Variants in KY observed in about 807,000 individuals in gnomAD.
KY encodes kyphoscoliosis peptidase.
KY carries 43 observed loss-of-function variants against 76.1 expected under a neutral mutation model. The ratio of observed to expected loss-of-function variants is 0.57; its 90% CI spans 0.44 to 0.73. The LOEUF (loss-of-function observed/expected upper bound fraction) is 0.73. KY is among the 30% of genes least tolerant of loss of function. The pLI is 0.00. For missense variants in KY, 722 were observed against 828.9 expected, an observed-to-expected ratio of 0.87 and a Z score of 1.58; for synonymous variants, 277 against 326.2, an observed-to-expected ratio of 0.85 and a Z score of 1.63.
At chr3:134,612,497 A>G (rs1960663292) in intron 8 of KY, among the ~76,000 whole-genome samples, 1 of 152,080 alleles carries the variant, frequency 6.6e-6, no homozygotes, top group Admixed American at 6.5e-5. Context: ...AGGATGAGGA[A>G]GTCTGGATGT....
At chr3:134,611,610 G>A (rs1281346376) in intron 8 of KY, among the ~76,000 whole-genome samples, 1 of 152,262 alleles carries the variant, frequency 6.6e-6, no homozygotes, top group African/African-American at 2.4e-5. Flanking sequence ...CCGAGGATGT[G>A]CTTGATGCCC....
At position 134,628,552 on chromosome 3, in the gene KY, A is replaced by C. The variant is rs565016148; in HGVS notation, c.338-734T>G. Among the ~76,000 whole-genome samples the C allele has an allele frequency of 1.5e-4, 23 of 152,328 alleles. 2 individuals carry two copies. The South Asian group carries it at 4.6e-3, about 30-fold the overall frequency. ...CAACCACACATGGGTTATTCTGAGAAACAGTGCTCCATTTATTTCTCACAC... is the reference window on the plus strand; with the variant it reads ...CAACCACACATGGGTTATTCTGAGACACAGTGCTCCATTTATTTCTCACAC... On this transcript the variant is annotated intron_variant, in intron 4 of 10. Coordinates refer to ENST00000423778, the MANE Select transcript of KY (RefSeq NM_178554.6).
chr3:134,644,199 T>G (rs1966152716), intron 2 of KY, among the ~76,000 whole-genome samples: 1 of 152,106 alleles, frequency 6.6e-6, no homozygotes, highest in Admixed American at 6.5e-5. Flanking sequence ...CGGGATGATG[T>G]GTAGTTTGGT....
chr3:134,632,883 C>T (rs1212025165), intron 3 of KY, among the ~76,000 whole-genome samples: 1 of 151,826 alleles, frequency 6.6e-6, no homozygotes, highest in Non-Finnish European at 1.5e-5. Context: ...AGAGGCAAGA[C>T]ACAAATCAGG....
At chr3:134,622,467 A>G (rs1365891715) in intron 6 of KY, among the ~76,000 whole-genome samples, 5 of 152,232 alleles carry the variant, frequency 3.3e-5, no homozygotes, top group African/African-American at 1.2e-4. Context: ...CAGACACAAA[A>G]GGACAAATAC....
chr3:134,610,085 G>C, intron 9 of KY, 110 bp downstream of exon 9: 1 of 1,211,926 alleles, frequency 8.3e-7, no homozygotes. Flanking sequence ...GGGGCCTCCT[G>C]GCTCTCCTTC....
chr3:134,628,286 C>T (rs1412540647), intron 4 of KY, among the ~76,000 whole-genome samples: 1 of 152,148 alleles, frequency 6.6e-6, no homozygotes, highest in African/African-American at 2.4e-5. Flanking sequence ...TTAAATTATT[C>T]CTTGGGAGGA....
At chr3:134,619,690 C>G (rs149301286) in intron 7 of KY, among the ~76,000 whole-genome samples, 4 of 152,254 alleles carry the variant, frequency 2.6e-5, no homozygotes, top group Non-Finnish European at 5.9e-5. Context: ...CTCCCACAGC[C>G]TGTCACTTCA....
intron 7 of KY, 74 bp downstream of exon 7, chr3:134,620,675 G>A (rs1962452235): frequency 9.6e-7 from 1 of 1,037,670 alleles, no homozygotes; most frequent in South Asian, 1.4e-5. Flanking sequence ...ACGTGAATAA[G>A]CTGATAGGAG....
chr3:134,650,724 C>T, intron 1 of KY, 101 bp downstream of exon 1: 1 of 1,159,158 alleles, frequency 8.6e-7, no homozygotes. Context: ...GTTCGCTGAC[C>T]TCGTTCGGGG....
rs1958905074 is a variant in KY, at chr3:134,600,251, A to T, written c.*3328T>A. Among the ~76,000 whole-genome samples the T allele has an allele frequency of 6.6e-6, 1 of 152,228 alleles. No homozygotes were observed. Among genetic ancestry groups the T allele is most frequent in the Non-Finnish European group, 1.5e-5 (1 of 68,040 alleles). ...GGAGAAAACCCACTCCTTCTAGTGA[A>T]CATGGCATCTAAAACCTCAGACCAC... On this transcript the variant is annotated 3_prime_UTR_variant, in exon 11 of 11. Coordinates refer to ENST00000423778, the MANE Select transcript of KY (RefSeq NM_178554.6).
At chr3:134,605,122 A>T (rs1490046541) in intron 10 of KY, among the ~76,000 whole-genome samples, 2 of 150,448 alleles carry the variant, frequency 1.3e-5, no homozygotes, top group African/African-American at 4.9e-5. Flanking sequence ...CCACACTGCC[A>T]CCCCCCATCT....
chr3:134,641,567 C>T (rs959448354), intron 3 of KY, among the ~76,000 whole-genome samples: 1 of 152,132 alleles, frequency 6.6e-6, no homozygotes, highest in Non-Finnish European at 1.5e-5. Flanking sequence ...AAAACGCTGG[C>T]CCGGCTGACA....
chr3:134,607,031 AT>A lies in KY; in HGVS notation c.1090+1617del, dbSNP rs1017809200. 8 of 984,914 alleles carry A rather than the reference AT, an allele frequency of 8.1e-6. No homozygotes were observed. In the African/African-American group the frequency reaches 1.4e-4, roughly 17 times the overall value. The allele number at this position is 984,914 out of a possible 1,614,324, so 61.0% of individuals were successfully genotyped here. The stretch of plus-strand genomic sequence containing the variant: ...TATATGGAATCATATTTAGGTTTAG[AT>A]TTCTATAAATTAAGGAATCTGGTGT... On this transcript the variant is annotated intron_variant, in intron 10 of 10. Transcript: ENST00000423778.
intron 6 of KY, among the ~76,000 whole-genome samples, chr3:134,623,429 A>G (rs1412146183): frequency 1.3e-5 from 2 of 151,968 alleles, no homozygotes; most frequent in African/African-American, 2.4e-5. Flanking sequence ...CTCCTGCTTC[A>G]GCCTTCTCTA....
At chr3:134,620,290 T>C (rs752416584) in intron 7 of KY, among the ~76,000 whole-genome samples, 2 of 152,230 alleles carry the variant, frequency 1.3e-5, no homozygotes, top group African/African-American at 2.4e-5. Flanking sequence ...GTTGCTAGTG[T>C]GGGAGCAGGA....
Position 134,610,274 on chromosome 3 carries a change from G to C in KY, c.820C>G (p.Leu274Val). 1 of 1,613,956 alleles carries C rather than the reference G, an allele frequency of 6.2e-7. No homozygotes were observed. The highest frequency in any genetic ancestry group is 1.1e-5 in the South Asian group (1 of 91,076). ...TCCACCAGGTGCCATCTTCCCTCCA[G>C]GTACACAGCATTCCAGGCATGGTCA... Reference protein sequence around the residue: ...EFDHAWNAVYLEGRWHLVDST... With the variant: ...EFDHAWNAVYVEGRWHLVDST... The change falls in exon 9 of 11, where the codon CTG (leucine) becomes GTG (valine). Residue 274 changes from leucine (L) to valine (V), a missense_variant. This residue lies in a region of KY where 552 missense variants were observed against 680.9 expected (regional missense o/e 0.81). Coordinates refer to ENST00000423778, the MANE Select transcript of KY (RefSeq NM_178554.6).
chr3:134,629,653 G>T lies in KY; in HGVS notation c.305C>A (p.Pro102His). The change falls in exon 4 of 11, where the codon CCC becomes CAC. Residue 102 changes from proline (P) to histidine (H), a missense_variant. Transcript: ENST00000423778. ...CAAGGAGAACTTCTTGAGCAGCTGG[G>T]GCATGGCATCTCGAGGGTGGACTTC... ...TVEVHPRDAM[P>H]QLLKKFSLAK... 1 of 1,601,944 alleles carries T rather than the reference G, an allele frequency of 6.2e-7. No homozygotes were observed. The highest frequency in any genetic ancestry group is 8.5e-7 in the Non-Finnish European group (1 of 1,174,114).
chr3:134,631,165 A>G (rs1964178197), intron 3 of KY, among the ~76,000 whole-genome samples: 1 of 152,242 alleles, frequency 6.6e-6, no homozygotes, highest in Non-Finnish European at 1.5e-5. Context: ...TGCAGAAAAA[A>G]TATTTGAGAA....
Sources: gnomAD v4.1 joint callset for allele counts (sites outside exome capture counted in the v4.1 genomes callset) on GRCh38, gnomAD v4.1.1 for gene constraint, gnomAD v4.1.1 regional missense constraint, MANE v1.5 for transcripts, NCBI Gene and HGNC (gene_info 2026-07-23, HGNC 2026-07-21) for gene names.